AKIRIN2: variants seen among roughly 807,000 people sequenced by gnomAD.
AKIRIN2 encodes akirin 2, also known as akirin-2.
Under a neutral mutation model 29.3 loss-of-function variants are expected in AKIRIN2, and 6 were observed. The observed-to-expected ratio is 0.20, with a 90% CI of 0.11 to 0.40. The LOEUF (loss-of-function observed/expected upper bound fraction) is 0.40, where lower values mean the gene tolerates loss of function less well. Among genes scored for constraint, AKIRIN2 ranks in the 10% least tolerant of loss-of-function variants. The pLI is 1.00. For synonymous variants in AKIRIN2, 128 were observed against 117.5 expected (o/e 1.09, Z -0.58); for missense variants, 210 against 276.1 (o/e 0.76, Z 1.70).
chr6:87,684,762 C>T (rs1771163880), intron 1 of AKIRIN2, among the ~76,000 whole-genome samples: 1 of 152,134 alleles, frequency 6.6e-6, no homozygotes, highest in African/African-American at 2.4e-5. Context: ...ACACACACAG[C>T]TAGCCTTTCT....
At chr6:87,676,186 C>T (rs564042635) in intron 3 of AKIRIN2, among the ~76,000 whole-genome samples, 32 of 152,002 alleles carry the variant, frequency 2.1e-4, no homozygotes, top group South Asian at 2.1e-3. Context: ...AGGCTGGGAC[C>T]GGGTGCGGTG....
At chr6:87,678,373 G>A (rs1283358528) in intron 2 of AKIRIN2, among the ~76,000 whole-genome samples, 1 of 151,770 alleles carries the variant, frequency 6.6e-6, no homozygotes, top group Non-Finnish European at 1.5e-5. Flanking sequence ...ATGGTGGCGG[G>A]CACCTGTAAT....
rs998419074 is a variant in AKIRIN2 at position 87,701,801 on chromosome 6, G to A, written c.-117C>T. The A allele has an allele frequency of 1.5e-5, 11 of 710,444 alleles. No homozygotes were observed. In the Admixed American group the frequency reaches 2.1e-4, roughly 13 times the overall value. 44.0% of individuals were successfully genotyped at this position (710,444 alleles called of 1,614,324 possible). ...GAGGAGAGCCTACCCGACGGGCTCA[G>A]GAGCCAAGCGGGTCGCGGAGCGCCG... On this transcript the variant is annotated 5_prime_UTR_variant, in exon 1 of 5. Coordinates refer to ENST00000257787, the MANE Select transcript of AKIRIN2 (RefSeq NM_018064.4).
rs7765329 is a variant in AKIRIN2 at position 87,697,433 on chromosome 6, G to C, written c.235+4017C>G. On this transcript the variant is annotated intron_variant, in intron 1 of 4. Transcript: ENST00000257787. ...TGCAGTAACTGCAGCTACATACACA[G>C]TCCTAAATAGAATATCAGGTTTAAG... Among the ~76,000 whole-genome samples, 486 of 151,982 alleles carry C rather than the reference G, an allele frequency of 3.2e-3. 2 individuals carry two copies. The highest frequency in any genetic ancestry group is 0.01 in the African/African-American group (421 of 41,444).
At chr6:87,683,383 AG>A (rs1187069558) in intron 1 of AKIRIN2, among the ~76,000 whole-genome samples, 2 of 152,132 alleles carry the variant, frequency 1.3e-5, no homozygotes, top group Admixed American at 6.6e-5. Flanking sequence ...GCTCATTTTC[AG>A]TTCTTTTCCA....
intron 1 of AKIRIN2, among the ~76,000 whole-genome samples, chr6:87,693,654 G>A (rs1213667989): frequency 6.6e-6 from 1 of 151,368 alleles, no homozygotes; most frequent in Non-Finnish European, 1.5e-5. Flanking sequence ...GACCCCAGGA[G>A]GCAGAGGTTG....
intron 1 of AKIRIN2, among the ~76,000 whole-genome samples, chr6:87,695,804 C>T (rs1041410261): frequency 2.6e-5 from 4 of 152,234 alleles, no homozygotes; most frequent in African/African-American, 9.6e-5. Flanking sequence ...CAACTGGGCA[C>T]TTCCACTGAA....
At chr6:87,690,476 G>A (rs1159901041) in intron 1 of AKIRIN2, among the ~76,000 whole-genome samples, 1 of 152,162 alleles carries the variant, frequency 6.6e-6, no homozygotes, top group Non-Finnish European at 1.5e-5. Context: ...CCTCCTGTAG[G>A]AGGAAAATAT....
chr6:87,677,893 A>G lies in AKIRIN2; in HGVS notation c.454T>C (p.Cys152Arg). The change falls in exon 3 of 5, where the codon TGT (cysteine) becomes CGT (arginine). Residue 152 changes from cysteine to arginine, a missense_variant. Transcript: ENST00000257787. ...LFTLRQVGMI[C>R]ERLLKEREEK... ...TCACGTTCTTTCAACAAACGTTCACAGATCATCCCAACCTGCCGTAGAGTA... is the reference window on the plus strand; with the variant it reads ...TCACGTTCTTTCAACAAACGTTCACGGATCATCCCAACCTGCCGTAGAGTA... 6.2e-7 allele frequency: 1 copy of G among 1,614,122 alleles called. No homozygotes were observed. Among genetic ancestry groups the G allele is most frequent in the Non-Finnish European group, 8.5e-7 (1 of 1,180,014 alleles).
intron 2 of AKIRIN2, among the ~76,000 whole-genome samples, chr6:87,680,508 T>C (rs143550485): frequency 3.9e-5 from 6 of 151,900 alleles, no homozygotes; most frequent in African/African-American, 1.2e-4. Context: ...CCTGACCTCG[T>C]GATAAACCTG....
At chr6:87,697,031 G>C (rs775938190) in intron 1 of AKIRIN2, among the ~76,000 whole-genome samples, 9 of 151,148 alleles carry the variant, frequency 6.0e-5, no homozygotes, top group Non-Finnish European at 8.8e-5. Flanking sequence ...AAAAAAAGCC[G>C]GCGGCACAGG....
rs1320909122 is a variant in AKIRIN2, at chr6:87,701,834, A to G, written c.-150T>C. 1.9e-6 allele frequency: 1 copy of G among 515,564 alleles called. No homozygotes were observed. The highest frequency in any genetic ancestry group is 3.2e-6 in the Non-Finnish European group (1 of 315,570). 31.9% of individuals were successfully genotyped at this position (515,564 alleles called of 1,614,324 possible). A position where few individuals can be genotyped will look rare whatever the true frequency, so the allele number is the denominator to read the frequency against. ...GCGGGTCGCGGAGCGCCGGCTGTGG[A>G]AAGGAGAGCCGCTGCCGCCGCTGCC... On this transcript the variant is annotated 5_prime_UTR_variant, in exon 1 of 5. Coordinates refer to ENST00000257787, the MANE Select transcript of AKIRIN2 (RefSeq NM_018064.4).
intron 3 of AKIRIN2, among the ~76,000 whole-genome samples, chr6:87,676,265 C>T (rs564535387): frequency 1.1e-4 from 17 of 150,352 alleles, no homozygotes; most frequent in Non-Finnish European, 1.5e-4. Flanking sequence ...AAGATCGAGA[C>T]CATCCTGGCT....
chr6:87,694,679 T>C (rs936309184), intron 1 of AKIRIN2, among the ~76,000 whole-genome samples: 1 of 152,200 alleles, frequency 6.6e-6, no homozygotes, highest in Non-Finnish European at 1.5e-5. Context: ...CAAGATGATC[T>C]GCCTGTGACA....
intron 1 of AKIRIN2, 91 bp downstream of exon 1, chr6:87,701,359 G>GCGC (rs1401359742): frequency 7.4e-7 from 1 of 1,346,398 alleles, no homozygotes; most frequent in East Asian, 2.9e-5. Flanking sequence ...ACACAGTCCG[G>GCGC]CACCCCCACC....
Position 87,700,152 on chromosome 6 carries a change from CACT to C in AKIRIN2, c.235+1295_235+1297del, listed in dbSNP as rs1269204347. 3.3e-5 allele frequency among the ~76,000 whole-genome samples: 5 copies of C among 151,676 alleles called. No homozygotes were observed. The East Asian group carries it at 7.8e-4, about 24-fold the overall frequency. ...TTATCTAAGAATTTCCGTAAAAACT[CACT>C]ACAACTCTAAAACAGTATGTCCTTA... On this transcript the variant is annotated intron_variant, in intron 1 of 4. Transcript: ENST00000257787.
At chr6:87,686,386 C>T (rs1017526703) in intron 1 of AKIRIN2, among the ~76,000 whole-genome samples, 1 of 151,906 alleles carries the variant, frequency 6.6e-6, no homozygotes, top group Non-Finnish European at 1.5e-5. Flanking sequence ...TAAACAGCAT[C>T]AAGATAAGAC....
chr6:87,693,621 A>C (rs1771313110), intron 1 of AKIRIN2, among the ~76,000 whole-genome samples: 1 of 150,806 alleles, frequency 6.6e-6, no homozygotes. Context: ...GTTACTCAGG[A>C]GGCTAAGGCA....
chr6:87,681,544 A>G, intron 2 of AKIRIN2, 76 bp downstream of exon 2: 1 of 1,435,600 alleles, frequency 7.0e-7, no homozygotes, highest in Non-Finnish European at 9.4e-7. Context: ...AGTAGCTTAA[A>G]TGACTAAAGA....
Sources: gnomAD v4.1 joint callset for allele counts (sites outside exome capture counted in the v4.1 genomes callset) on GRCh38, gnomAD v4.1.1 for gene constraint, MANE v1.5 for transcripts, NCBI Gene and HGNC (gene_info 2026-07-23, HGNC 2026-07-21) for gene names.